SYBU: variants seen among roughly 807,000 people sequenced by gnomAD.
The protein encoded by SYBU is syntabulin, also known as GOLSYN A protein.
A neutral mutation model predicts 35.9 loss-of-function variants in SYBU; 21 were observed. The ratio of observed to expected loss-of-function variants is 0.58; its 90% CI spans 0.41 to 0.84. The LOEUF is 0.84. Among genes scored for constraint, SYBU ranks in the 40% least tolerant of loss-of-function variants. SYBU has a pLI of 0.00. For missense variants in SYBU, 768 were observed against 848.2 expected (o/e 0.91, Z 1.17); for synonymous variants, 319 against 324.3 (o/e 0.98, Z 0.18).
chr8:109,616,936 T>G (rs1026685307), intron 3 of SYBU, among the ~76,000 whole-genome samples: 1 of 151,832 alleles, frequency 6.6e-6, no homozygotes, highest in African/African-American at 2.4e-5. Flanking sequence ...GTCAGGAGTT[T>G]GAGACCAGCC....
intron 3 of SYBU, among the ~76,000 whole-genome samples, chr8:109,590,368 T>A (rs1824080394): frequency 6.6e-6 from 1 of 152,124 alleles, no homozygotes; most frequent in Admixed American, 6.5e-5. Flanking sequence ...AAGGGAATAT[T>A]TGGTTAAATG....
At chr8:109,635,693 AG>A (rs925024231) in intron 2 of SYBU, among the ~76,000 whole-genome samples, 4 of 152,280 alleles carry the variant, frequency 2.6e-5, no homozygotes, top group Middle Eastern at 3.4e-3. Flanking sequence ...CATCTGTTCT[AG>A]CCCCAAATCT....
At chr8:109,580,236 A>T (rs553403088) in intron 4 of SYBU, 2 of 508,992 alleles carry the variant, frequency 3.9e-6, no homozygotes, top group Admixed American at 3.2e-5. Flanking sequence ...ATAGTTTCTG[A>T]CCATAAAGCT....
In SYBU at chr8:109,604,963, A is replaced by G. The variant is rs3132434; in HGVS notation, c.427+13879T>C. Among the ~76,000 whole-genome samples the G allele has an allele frequency of 2.0e-3, 299 of 152,236 alleles. 9 individuals are homozygous for G. In the East Asian group the frequency reaches 0.048, roughly 25 times the overall value. ...CAGAGGTGAGTACAAGAAGCCAAAC[A>G]CTCAGGAAGATCCAGTTTCCCTGAA... On this transcript the variant is annotated intron_variant, in intron 3 of 6. Coordinates refer to ENST00000276646, the MANE Select transcript of SYBU (RefSeq NM_001099754.2).
chr8:109,583,804 T>A (rs774482864), intron 4 of SYBU, among the ~76,000 whole-genome samples: 23 of 152,110 alleles, frequency 1.5e-4, no homozygotes, highest in Middle Eastern at 6.3e-3. Flanking sequence ...GGTGAGATTC[T>A]TTTATTTATT....
intron 3 of SYBU, among the ~76,000 whole-genome samples, chr8:109,603,070 C>A (rs1485699478): frequency 6.6e-6 from 1 of 152,214 alleles, no homozygotes; most frequent in Non-Finnish European, 1.5e-5. Flanking sequence ...TGTGCAAGGA[C>A]CACAGAGCCC....
intron 2 of SYBU, among the ~76,000 whole-genome samples, chr8:109,626,908 C>T (rs1813044177): frequency 6.6e-6 from 1 of 152,178 alleles, no homozygotes; most frequent in African/African-American, 2.4e-5. Context: ...GAATAAAACA[C>T]CAAGCTCTAA....
chr8:109,597,890 A>G (rs573386022), intron 3 of SYBU, among the ~76,000 whole-genome samples: 167 of 152,312 alleles, frequency 1.1e-3, no homozygotes, highest in Non-Finnish European at 2.1e-3. Flanking sequence ...GAGTCAGGCA[A>G]TTATGGGATA....
At chr8:109,611,078 G>T (rs1481347851) in intron 3 of SYBU, among the ~76,000 whole-genome samples, 1 of 152,232 alleles carries the variant, frequency 6.6e-6, no homozygotes, top group Non-Finnish European at 1.5e-5. Context: ...TGTAAAAGAA[G>T]TTTCCAGGTT....
chr8:109,597,431 A>G (rs533044190), intron 3 of SYBU, among the ~76,000 whole-genome samples: 6 of 152,228 alleles, frequency 3.9e-5, no homozygotes, highest in African/African-American at 7.2e-5. Flanking sequence ...AAGTCTCTAT[A>G]TTAAAGCTGG....
chr8:109,603,506 C>T (rs561857795), intron 3 of SYBU: 2 of 493,940 alleles, frequency 4.0e-6, no homozygotes, highest in East Asian at 1.5e-4. Flanking sequence ...CTCTGCCCCA[C>T]CCCCCTACAC....
At chr8:109,635,526 C>T (rs951952041) in intron 2 of SYBU, among the ~76,000 whole-genome samples, 2 of 152,136 alleles carry the variant, frequency 1.3e-5, no homozygotes, top group African/African-American at 2.4e-5. Context: ...CTTTAGGGCT[C>T]CAGACTTTTG....
intron 3 of SYBU, among the ~76,000 whole-genome samples, chr8:109,606,814 C>T (rs545256761): frequency 1.3e-5 from 2 of 152,064 alleles, no homozygotes; most frequent in East Asian, 1.9e-4. Flanking sequence ...CATGACTAAC[C>T]GTTGGAAAAG....
chr8:109,633,569 T>A (rs904586543), intron 2 of SYBU, among the ~76,000 whole-genome samples: 54 of 152,198 alleles, frequency 3.5e-4, no homozygotes, highest in African/African-American at 1.2e-3. Flanking sequence ...TATCCAGCAG[T>A]GGCCGGGGCA....
At chr8:109,672,180 T>G (rs1817006987) in intron 1 of SYBU, among the ~76,000 whole-genome samples, 1 of 152,042 alleles carries the variant, frequency 6.6e-6, no homozygotes, top group Admixed American at 6.5e-5. Context: ...GGATTACAGG[T>G]GTGAGCCACC....
Position 109,642,810 on chromosome 8 carries a change from G to A in SYBU, c.147C>T (p.Phe49=). The change falls in exon 2 of 7, where the codon TTC becomes TTT. Residue 49 remains phenylalanine (F), a synonymous_variant. Coordinates refer to ENST00000276646, the MANE Select transcript of SYBU (RefSeq NM_001099754.2). ...HKVSPASESP[F]SEEESREFNP... ...TGAACTCTCTGCTCTCTTCCTCAGA[G>A]AAAGGAGACTCAGAGGCTGGGGACA... The A allele has an allele frequency of 5.6e-6, 9 of 1,613,736 alleles. No individual in the cohort carries two copies. The highest frequency in any genetic ancestry group is 7.6e-6 in the Non-Finnish European group (9 of 1,179,800).
chr8:109,605,153 A>G (rs916590719), intron 3 of SYBU, among the ~76,000 whole-genome samples: 1 of 152,212 alleles, frequency 6.6e-6, no homozygotes, highest in African/African-American at 2.4e-5. Flanking sequence ...ACCAGCAAGC[A>G]ACTGACGAAC....
At chr8:109,668,199 A>AGAGAGAGAGAGAGAGAGAGAGAGAGG (rs1563773456) in intron 1 of SYBU, among the ~76,000 whole-genome samples, 2 of 150,470 alleles carry the variant, frequency 1.3e-5, no homozygotes, top group African/African-American at 2.4e-5. Context: ...AGAGAGAGAG[A>AGAGAGAGAGAGAGAGAGAGAGAGAGG]GAGACTTTTA....
In SYBU at chr8:109,584,254, C is replaced by T. The variant is rs1766354660; in HGVS notation, c.530+1806G>A. Among the ~76,000 whole-genome samples the T allele has an allele frequency of 6.6e-6, 1 of 152,150 alleles. No homozygotes were observed. The highest frequency in any genetic ancestry group is 2.4e-5 in the African/African-American group (1 of 41,436). On this transcript the variant is annotated intron_variant, in intron 4 of 6. Coordinates refer to ENST00000276646, the MANE Select transcript of SYBU (RefSeq NM_001099754.2). The surrounding 1 kb of genome is among the most constrained non-coding windows in gnomAD (Gnocchi z 4.0). ...CTAACAGAAGCATTCATCTGATTTGCATATAATTATATTTGGCTATTTTAT... is the reference window on the plus strand; with the variant it reads ...CTAACAGAAGCATTCATCTGATTTGTATATAATTATATTTGGCTATTTTAT...
Sources: allele counts gnomAD v4.1 joint callset (sites outside exome capture counted in the v4.1 genomes callset), GRCh38; gene constraint gnomAD v4.1.1; non-coding constraint Gnocchi (gnomAD v3.1); transcripts MANE v1.5; gene names NCBI Gene and HGNC (gene_info 2026-07-23, HGNC 2026-07-21).